ITSN2: variants seen among roughly 807,000 people sequenced by gnomAD.
ITSN2 encodes intersectin-2.
ITSN2 carries 156 observed loss-of-function variants against 243.7 expected under a neutral mutation model. That is an observed-to-expected ratio of 0.64 (90% CI 0.56 to 0.73). The LOEUF (loss-of-function observed/expected upper bound fraction) is 0.73, where lower values mean the gene tolerates loss of function less well. ITSN2 is among the 30% of genes least tolerant of loss of function. The probability of loss-of-function intolerance (pLI) is 0.00; values close to 1 mark genes in which losing one functional copy is unlikely to be tolerated. For synonymous variants in ITSN2, 703 were observed against 699.9 expected (o/e 1.00, Z -0.07); for missense variants, 1,801 against 1,996.1 (o/e 0.90, Z 1.86).
chr2:24,310,697 A>G lies in ITSN2; in HGVS notation c.353-5T>C, dbSNP rs778556116. Reference sequence around the variant, plus strand: ...GATTGGGCATGCTTCCCATTCCTAAAGTCAAAAGAAAACATTTTTTCCAGT... The same window carrying G: ...GATTGGGCATGCTTCCCATTCCTAAGGTCAAAAGAAAACATTTTTTCCAGT... On this transcript the variant is annotated splice_polypyrimidine_tract_variant and splice_region_variant and intron_variant, in intron 5 of 39. Coordinates refer to ENST00000355123, the MANE Select transcript of ITSN2 (RefSeq NM_006277.3). The G allele has an allele frequency of 7.4e-6, 12 of 1,612,326 alleles. No homozygotes were observed. The Admixed American group carries it at 8.4e-5, about 11-fold the overall frequency.
intron 14 of ITSN2, among the ~76,000 whole-genome samples, chr2:24,295,155 A>G (rs1680777397): frequency 6.6e-6 from 1 of 152,236 alleles, no homozygotes. Context: ...ACGTATATAT[A>G]TTAAGCAAAA....
At chr2:24,263,178 AAATT>A (rs755853198) in intron 20 of ITSN2, among the ~76,000 whole-genome samples, 46 of 152,178 alleles carry the variant, frequency 3.0e-4, no homozygotes, top group Non-Finnish European at 3.4e-4. Context: ...TACTACAGAT[AAATT>A]ATTTATATGT....
At chr2:24,274,365 T>C (rs1677758075) in intron 18 of ITSN2, among the ~76,000 whole-genome samples, 1 of 151,310 alleles carries the variant, frequency 6.6e-6, no homozygotes, top group South Asian at 2.1e-4. Flanking sequence ...AGCCCAGGAG[T>C]TTGAGACCGG....
chr2:24,310,142 A>G (rs560466444), intron 7 of ITSN2, 142 bp downstream of exon 7: 2 of 530,580 alleles, frequency 3.8e-6, no homozygotes, highest in Non-Finnish European at 6.8e-6. Context: ...TGTGAGTTGT[A>G]AGTAGTAAAT....
chr2:24,339,133 C>G (rs986724831), intron 1 of ITSN2, among the ~76,000 whole-genome samples: 5 of 152,126 alleles, frequency 3.3e-5, no homozygotes, highest in African/African-American at 1.2e-4. Flanking sequence ...ACCACTCCTA[C>G]TCGTATTCAA....
Position 24,293,722 on chromosome 2 carries a change from T to C in ITSN2, c.1689A>G (p.Glu563=). 7.8e-7 allele frequency: 1 copy of C among 1,274,676 alleles called. No individual in the cohort carries two copies. Among genetic ancestry groups the C allele is most frequent in the Admixed American group, 2.4e-5 (1 of 41,492 alleles). 79.0% of individuals were successfully genotyped at this position (1,274,676 alleles called of 1,614,324 possible). ...TACTGAACTGCATGTTTTTAATTCT[T>C]TCATTTAATAATTGCTTCTCAGGTA... The part of the protein sequence containing the change: ...YLVPEKQLLN[E]RIKNMQFSNT... The change falls in exon 15 of 40, where the codon GAA becomes GAG. Residue 563 remains glutamate, a synonymous_variant. Coordinates refer to ENST00000355123, the MANE Select transcript of ITSN2 (RefSeq NM_006277.3).
At chr2:24,333,010 G>C (rs189262796) in intron 1 of ITSN2, among the ~76,000 whole-genome samples, 2 of 152,254 alleles carry the variant, frequency 1.3e-5, no homozygotes, top group East Asian at 3.9e-4. Context: ...AGGCACCTTT[G>C]ATAATATGGA....
At chr2:24,283,417 G>C (rs1261330449) in intron 17 of ITSN2, among the ~76,000 whole-genome samples, 1 of 152,048 alleles carries the variant, frequency 6.6e-6, no homozygotes, top group Non-Finnish European at 1.5e-5. Context: ...GTAGAGACGG[G>C]GTTTCACCAT....
chr2:24,231,045 G>A (rs1399641087), intron 29 of ITSN2, among the ~76,000 whole-genome samples: 2 of 151,888 alleles, frequency 1.3e-5, no homozygotes, highest in Non-Finnish European at 2.9e-5. Flanking sequence ...ATATCCGCAT[G>A]GCTCCCTCCA....
chr2:24,297,081 T>TA (rs1211014240), intron 13 of ITSN2, among the ~76,000 whole-genome samples: 2 of 152,366 alleles, frequency 1.3e-5, no homozygotes, highest in Admixed American at 1.3e-4. Context: ...AAAAGTTTTT[T>TA]ACAACTGTTT....
In ITSN2 at chr2:24,337,899, A is replaced by C. The variant is rs568841246; in HGVS notation, c.-33-9784T>G. Among the ~76,000 whole-genome samples the C allele has an allele frequency of 7.6e-4, 116 of 152,252 alleles. No individual in the cohort carries two copies. In the Middle Eastern group the frequency reaches 0.01, roughly 13 times the overall value. On this transcript the variant is annotated intron_variant, in intron 1 of 39. Coordinates refer to ENST00000355123, the MANE Select transcript of ITSN2 (RefSeq NM_006277.3). ...CTATACTTGCTGATCAGTTGAGAAA[A>C]GTGTTCCTGTCTCATTTAGTTCCCA...
At chr2:24,275,614 T>A in intron 18 of ITSN2, 99 bp downstream of exon 18, 1 of 914,182 alleles carries the variant, frequency 1.1e-6, no homozygotes, top group Non-Finnish European at 1.6e-6. Flanking sequence ...ATTAGGATAA[T>A]CCCTTTATTT....
Position 24,204,257 on chromosome 2 carries a change from A to G in ITSN2, c.4924T>C (p.Phe1642Leu). The change falls in exon 39 of 40, where the codon TTT becomes CTT. Residue 1642 changes from phenylalanine (F) to leucine (L), a missense_variant. Phe to Leu is a conservative substitution (Grantham distance 22). Transcript: ENST00000355123. This position sits in a 1 kb window ranked among gnomAD's most constrained non-coding sequence, Gnocchi z 5.1. ...LCLTLFDRDQ[F>L]SPDDFLGRTE... The stretch of plus-strand genomic sequence containing the variant: ...GAGCGACACTTACCATCTGGTGAAA[A>G]CTGGTCTCTGTCAAACAGGGTGAGA... 6.2e-7 allele frequency: 1 copy of G among 1,613,926 alleles called. No individual in the cohort carries two copies. Among genetic ancestry groups the G allele is most frequent in the Non-Finnish European group, 8.5e-7 (1 of 1,179,974 alleles).
intron 29 of ITSN2, among the ~76,000 whole-genome samples, chr2:24,227,311 C>CA (rs1230795090): frequency 7.5e-6 from 1 of 133,726 alleles, no homozygotes; most frequent in African/African-American, 2.8e-5. Flanking sequence ...AAAAAAATTA[C>CA]AAAAAACGGG....
At position 24,204,642 on chromosome 2, in the gene ITSN2, G is replaced by A. The variant is rs760995100; in HGVS notation, c.4763-224C>T. The A allele has an allele frequency of 1.1e-5, 7 of 640,604 alleles. No individual in the cohort carries two copies. The highest frequency in any genetic ancestry group is 8.3e-5 in the Admixed American group (4 of 47,938). The allele number at this position is 640,604 out of a possible 1,614,324, so 39.7% of individuals were successfully genotyped here. On this transcript the variant is annotated intron_variant, in intron 38 of 39. Transcript: ENST00000355123. This position sits in a 1 kb window ranked among gnomAD's most constrained non-coding sequence, Gnocchi z 5.1. ...CTGGGGAGTGGCCGAGAGCTCCACC[G>A]CCAGGACCACTCCGCACGGAACAAT...
intron 31 of ITSN2, among the ~76,000 whole-genome samples, 172 bp downstream of exon 31, chr2:24,217,735 T>C (rs928702596): frequency 3.9e-5 from 6 of 152,256 alleles, no homozygotes; most frequent in Non-Finnish European, 7.3e-5. Context: ...TCAATACTTA[T>C]GTATTTTACA....
At position 24,210,890 on chromosome 2, in the gene ITSN2, C is replaced by A. The variant is rs180838036; in HGVS notation, c.4147G>T (p.Glu1383Ter). Residue 1383 changes from glutamate (E) to a stop codon, truncating the protein, a stop_gained, in exon 34 of 40, where the codon GAG (glutamate) becomes TAG (stop). Coordinates refer to ENST00000355123, the MANE Select transcript of ITSN2 (RefSeq NM_006277.3). LOFTEE classifies it high-confidence loss of function. The stretch of plus-strand genomic sequence containing the variant: ...TGAGAGCACAGCTCCTCTGCCCGCT[C>A]GAGGGCCAGCTTTAGGGAGGAATGG... ...ADHSSLKLAL[E>*]RAEELCSQVN... 6.2e-7 allele frequency: 1 copy of A among 1,614,144 alleles called. No homozygotes were observed. The highest frequency in any genetic ancestry group is 8.5e-7 in the Non-Finnish European group (1 of 1,180,020).
chr2:24,316,245 T>G (rs973830884), intron 2 of ITSN2, among the ~76,000 whole-genome samples: 2 of 152,164 alleles, frequency 1.3e-5, no homozygotes, highest in African/African-American at 4.8e-5. Flanking sequence ...CTGGAAGTTA[T>G]AGAGAGCCAT....
At chr2:24,345,980 G>A (rs555144244) in intron 1 of ITSN2, among the ~76,000 whole-genome samples, 2 of 152,064 alleles carry the variant, frequency 1.3e-5, no homozygotes, top group Admixed American at 1.3e-4. Flanking sequence ...TTTGATCTAC[G>A]TGGATTTTAT....
Sources: gnomAD v4.1 joint callset for allele counts (sites outside exome capture counted in the v4.1 genomes callset) on GRCh38, gnomAD v4.1.1 for gene constraint, Gnocchi (gnomAD v3.1) non-coding constraint, MANE v1.5 for transcripts, NCBI Gene and HGNC (gene_info 2026-07-23, HGNC 2026-07-21) for gene names.